The following GRM4 variants were observed in gnomAD, a reference collection of about 807,000 sequenced individuals.
GRM4 encodes the protein glutamate metabotropic receptor 4, also known as metabotropic glutamate receptor 4.
GRM4 carries 28 observed loss-of-function variants against 81.7 expected under a neutral mutation model. The ratio of observed to expected loss-of-function variants is 0.34; its 90% CI spans 0.25 to 0.47. The LOEUF (loss-of-function observed/expected upper bound fraction) is 0.47. Ranked by LOEUF, GRM4 falls within the 20% of genes least tolerant of loss-of-function variation. The probability of loss-of-function intolerance (pLI) is 1.00; values close to 1 mark genes in which losing one functional copy is unlikely to be tolerated. For synonymous variants in GRM4, 488 were observed against 528.8 expected (o/e 0.92, Z 1.06); for missense variants, 948 against 1,290.0 (o/e 0.73, Z 4.06).
At chr6:34,149,248 G>A (rs1771000116), upstream of GRM4, among the ~76,000 whole-genome samples, 3 of 152,182 alleles carry the variant, frequency 2.0e-5, no homozygotes, top group Admixed American at 6.5e-5. Flanking sequence ...TTCCCTGAGA[G>A]AACCGAGCAG....
chr6:34,139,759 G>A (rs1157515236), intron 1 of GRM4, among the ~76,000 whole-genome samples: 3 of 152,352 alleles, frequency 2.0e-5, no homozygotes, highest in South Asian at 4.1e-4. Flanking sequence ...GCAGCAGTGC[G>A]CCCGGTCCAG....
intron 3 of GRM4, among the ~76,000 whole-genome samples, chr6:34,071,641 CA>C (rs2127469781): frequency 7.3e-6 from 1 of 136,948 alleles, no homozygotes; most frequent in African/African-American, 2.8e-5. Flanking sequence ...ATACACACCA[CA>C]CACACCCATT....
At chr6:34,150,630 T>C (rs1055169651), upstream of GRM4, among the ~76,000 whole-genome samples, 2 of 152,026 alleles carry the variant, frequency 1.3e-5, no homozygotes, top group Non-Finnish European at 2.9e-5. Flanking sequence ...CAGCCTCAGT[T>C]TCCCCGCCTA....
intron 3 of GRM4, among the ~76,000 whole-genome samples, chr6:34,073,770 C>T (rs1561793669): frequency 6.6e-6 from 1 of 152,170 alleles, no homozygotes; most frequent in Non-Finnish European, 1.5e-5. Flanking sequence ...GTGAATGCCC[C>T]AATTAGCCTG....
At chr6:34,116,892 T>C (rs769839881) in intron 2 of GRM4, among the ~76,000 whole-genome samples, 4 of 152,074 alleles carry the variant, frequency 2.6e-5, no homozygotes, top group Non-Finnish European at 5.9e-5. Context: ...TCACAGACAA[T>C]GTGAGCAAAA....
Position 34,136,321 on chromosome 6 carries a change from G to T in GRM4, c.-363-2462C>A, listed in dbSNP as rs1163327970. 6.6e-6 allele frequency among the ~76,000 whole-genome samples: 1 copy of T among 152,092 alleles called. No individual in the cohort carries two copies. Among genetic ancestry groups the T allele is most frequent in the Non-Finnish European group, 1.5e-5 (1 of 68,018 alleles). On this transcript the variant is annotated intron_variant, in intron 1 of 10. Coordinates refer to ENST00000538487, the MANE Select transcript of GRM4 (RefSeq NM_000841.4). The surrounding 1 kb of genome is among the most constrained non-coding windows in gnomAD (Gnocchi z 4.1). Reference sequence around the variant, plus strand: ...TGGCCCAGAGGATCTCTCAGGCCTTGCCAGTTCTAAGGTCCTGTGAGTTTA... The same window carrying T: ...TGGCCCAGAGGATCTCTCAGGCCTTTCCAGTTCTAAGGTCCTGTGAGTTTA...
rs977508260 is a variant in GRM4, at chr6:34,091,568, C to T, written c.736+315G>A. 5 of 354,440 alleles carry T rather than the reference C, an allele frequency of 1.4e-5. No individual in the cohort carries two copies. The Admixed American group carries it at 2.2e-4, about 16-fold the overall frequency. The allele number at this position is 354,440 out of a possible 1,614,324, so 22.0% of individuals were successfully genotyped here. A position where few individuals can be genotyped will look rare whatever the true frequency, so the allele number is the denominator to read the frequency against. On this transcript the variant is annotated intron_variant, in intron 3 of 10. Transcript: ENST00000538487. ...CAGCCCTCTAAACAAGGCCCCTCGT[C>T]CCCACCCCATCCCTTCCTCTGCTGT...
chr6:34,030,854 G>A (rs1199727538), intron 9 of GRM4, among the ~76,000 whole-genome samples: 1 of 152,184 alleles, frequency 6.6e-6, no homozygotes, highest in Non-Finnish European at 1.5e-5. Flanking sequence ...GATATAAATA[G>A]ATCAAAACCC....
In GRM4 at chr6:34,068,768, A is replaced by G. The variant is rs561198167; in HGVS notation, c.737-6740T>C. Among the ~76,000 whole-genome samples the G allele has an allele frequency of 9.9e-3, 1,512 of 152,016 alleles. 13 individuals are homozygous for G. Among genetic ancestry groups the G allele is most frequent in the South Asian group, 0.017 (84 of 4,808 alleles). On this transcript the variant is annotated intron_variant, in intron 3 of 10. Coordinates refer to ENST00000538487, the MANE Select transcript of GRM4 (RefSeq NM_000841.4). This position sits in a 1 kb window ranked among gnomAD's most constrained non-coding sequence, Gnocchi z 4.2. Reference sequence around the variant, plus strand: ...ACAGTCAGGGGTCCCCCAGGCTGTCACCTTGGACACTGGGCTCCAGACAAG... The same window carrying G: ...ACAGTCAGGGGTCCCCCAGGCTGTCGCCTTGGACACTGGGCTCCAGACAAG...
intron 2 of GRM4, among the ~76,000 whole-genome samples, 169 bp downstream of exon 2, chr6:34,132,809 G>C (rs557415100): frequency 6.6e-6 from 1 of 152,334 alleles, no homozygotes; most frequent in African/African-American, 2.4e-5. Context: ...ACTGAAACCA[G>C]GAAGAGCTGC....
chr6:34,132,951 C>T (rs1561832062), intron 2 of GRM4, 27 bp downstream of exon 2: 6 of 1,558,616 alleles, frequency 3.8e-6, no homozygotes, highest in Non-Finnish European at 5.2e-6. Flanking sequence ...GGGAAGAGCA[C>T]CTCAGGGGAC....
intron 2 of GRM4, among the ~76,000 whole-genome samples, chr6:34,124,645 T>TA (rs1769949510): frequency 6.6e-6 from 1 of 152,160 alleles, no homozygotes; most frequent in Admixed American, 6.5e-5. Flanking sequence ...TGGGCCGGGG[T>TA]ATGAGGCTTC....
intron 2 of GRM4, among the ~76,000 whole-genome samples, chr6:34,126,165 T>C (rs1239993450): frequency 6.6e-6 from 1 of 152,126 alleles, no homozygotes; most frequent in African/African-American, 2.4e-5. Flanking sequence ...TGAAAAAAGG[T>C]AGATTCAGGG....
chr6:34,067,465 C>A (rs1440925828), intron 3 of GRM4, among the ~76,000 whole-genome samples: 7 of 138,502 alleles, frequency 5.1e-5, no homozygotes, highest in Non-Finnish European at 7.7e-5. Flanking sequence ...TCCCTCCGTC[C>A]TTCCCTCCCT....
intron 1 of GRM4, among the ~76,000 whole-genome samples, chr6:34,138,981 A>T (rs756347368): frequency 3.9e-5 from 6 of 152,238 alleles, no homozygotes; most frequent in Non-Finnish European, 8.8e-5. Context: ...TTCAGCTATA[A>T]GGAGGCATCT....
intron 6 of GRM4, among the ~76,000 whole-genome samples, chr6:34,046,489 G>A (rs1765369541): frequency 6.6e-6 from 1 of 152,202 alleles, no homozygotes; most frequent in South Asian, 2.1e-4. Flanking sequence ...GGGACAGGGA[G>A]GTGAGGTGGG....
At chr6:34,119,458 G>A (rs1228432002) in intron 2 of GRM4, among the ~76,000 whole-genome samples, 3 of 152,216 alleles carry the variant, frequency 2.0e-5, no homozygotes, top group East Asian at 1.9e-4. Flanking sequence ...AGGCCAGGTC[G>A]GGATCAGCCA....
intron 6 of GRM4, among the ~76,000 whole-genome samples, chr6:34,044,327 TACACAC>T (rs767524631): frequency 1.3e-3 from 82 of 63,386 alleles, no homozygotes; most frequent in African/African-American, 2.3e-3. Context: ...CAGACACACA[TACACAC>T]AGACATACAT....
At chr6:34,051,571 G>A (rs1164936139) in intron 6 of GRM4, among the ~76,000 whole-genome samples, 5 of 152,110 alleles carry the variant, frequency 3.3e-5, no homozygotes, top group Admixed American at 2.0e-4. Flanking sequence ...TCAAAAAGAC[G>A]GATGCCACAT....
Sources: allele counts gnomAD v4.1 joint callset (sites outside exome capture counted in the v4.1 genomes callset), GRCh38; gene constraint gnomAD v4.1.1; non-coding constraint Gnocchi (gnomAD v3.1); transcripts MANE v1.5; gene names NCBI Gene and HGNC (gene_info 2026-07-23, HGNC 2026-07-21).